Variants in SLCO1B1 observed in about 807,000 individuals in gnomAD.
SLCO1B1 encodes OATP-2.
In SLCO1B1, 81 loss-of-function variants were observed where a neutral mutation model predicts 70.1. The ratio of observed to expected loss-of-function variants is 1.16; its 90% CI spans 0.97 to 1.39. The LOEUF is 1.39. Ranked by LOEUF, SLCO1B1 falls within the 40% of genes most tolerant of loss-of-function variation. The pLI is 0.00. For synonymous variants in SLCO1B1, 283 were observed against 271.5 expected, an observed-to-expected ratio of 1.04 and a Z score of -0.42; for missense variants, 895 against 799.6, an observed-to-expected ratio of 1.12 and a Z score of -1.44.
rs145137264 is a variant in SLCO1B1 at position 21,148,744 on chromosome 12, T to G, written c.84+7086T>G. Reference sequence around the variant, plus strand: ...TCCATATGAAATTTAAAGTAGTTTTTTCCAATTCTGTGATGAAAGTCAATG... The same window carrying G: ...TCCATATGAAATTTAAAGTAGTTTTGTCCAATTCTGTGATGAAAGTCAATG... On this transcript the variant is annotated intron_variant, in intron 2 of 14. Transcript: ENST00000256958. Among the ~76,000 whole-genome samples the G allele has an allele frequency of 4.6e-3, 698 of 151,122 alleles. 3 individuals are homozygous for G. The highest frequency in any genetic ancestry group is 0.016 in the African/African-American group (658 of 41,112).
intron 2 of SLCO1B1, among the ~76,000 whole-genome samples, chr12:21,153,756 A>G (rs1227239565): frequency 1.3e-5 from 2 of 152,052 alleles, no homozygotes; most frequent in Admixed American, 6.6e-5. Flanking sequence ...TAAGTGCATT[A>G]TTATATAACC....
At chr12:21,217,087 T>C (rs1415499898) in intron 11 of SLCO1B1, 32 bp from the exon 12 acceptor site, 16 of 1,590,494 alleles carry the variant, frequency 1.0e-5, no homozygotes, top group Non-Finnish European at 1.4e-5. Context: ...CTTGCAAATT[T>C]CTTATGTCAT....
chr12:21,237,341 T>C (rs762966225), intron 14 of SLCO1B1, among the ~76,000 whole-genome samples: 7 of 152,176 alleles, frequency 4.6e-5, no homozygotes, highest in Non-Finnish European at 7.4e-5. Flanking sequence ...TCTACTTTAC[T>C]TTTAAAAGAA....
intron 11 of SLCO1B1, among the ~76,000 whole-genome samples, chr12:21,212,956 G>A (rs1591822926): frequency 6.6e-6 from 1 of 151,774 alleles, no homozygotes; most frequent in Non-Finnish European, 1.5e-5. Context: ...GCCTATGTGT[G>A]TCTCTGCACG....
In SLCO1B1 at chr12:21,188,536, G is replaced by C. The variant is rs1164158330; in HGVS notation, c.728-8410G>C. On this transcript the variant is annotated intron_variant, in intron 7 of 14. Transcript: ENST00000256958. ...TCTGTGTTCCCGCCAAAGTCATGTA[G>C]AATTGTAATCCCCAATGACGGAGGT... Among the ~76,000 whole-genome samples the C allele has an allele frequency of 5.9e-5, 9 of 152,144 alleles. No homozygotes were observed. The East Asian group carries it at 1.7e-3, about 29-fold the overall frequency.
chr12:21,222,240 G>A, intron 12 of SLCO1B1, 60 bp from the exon 13 acceptor site: 1 of 826,450 alleles, frequency 1.2e-6, no homozygotes, highest in Non-Finnish European at 1.9e-6. Context: ...AAGGTTTAAT[G>A]TTGTTTCGTT....
At position 21,209,245 on chromosome 12, in the gene SLCO1B1, T is replaced by C. The variant is rs570847071; in HGVS notation, c.1497+3212T>C. ...CACAACAGTCCCCAGAGTGTGATAT[T>C]CCCCTTCCTGTGTCCATGTGATCTC... is the stretch of plus-strand genomic sequence containing the variant. On this transcript the variant is annotated intron_variant, in intron 11 of 14. Transcript: ENST00000256958. 1.1e-4 allele frequency among the ~76,000 whole-genome samples: 16 copies of C among 151,852 alleles called. No homozygotes were observed. The East Asian group carries it at 2.3e-3, about 22-fold the overall frequency.
At chr12:21,166,359 A>C (rs955445743) in intron 2 of SLCO1B1, among the ~76,000 whole-genome samples, 6 of 152,202 alleles carry the variant, frequency 3.9e-5, no homozygotes, top group African/African-American at 1.4e-4. Context: ...CTGATTTCTC[A>C]TCAGAGACCA....
At chr12:21,235,062 A>G (rs958161247) in intron 14 of SLCO1B1, among the ~76,000 whole-genome samples, 1 of 151,242 alleles carries the variant, frequency 6.6e-6, no homozygotes, top group African/African-American at 2.4e-5. Flanking sequence ...CACTTGGTAA[A>G]GAGTCTACTT....
intron 2 of SLCO1B1, among the ~76,000 whole-genome samples, chr12:21,142,197 A>G (rs1940320291): frequency 6.6e-6 from 1 of 151,948 alleles, no homozygotes; most frequent in Non-Finnish European, 1.5e-5. Context: ...AAGCCATTTA[A>G]TGTTTTCATT....
chr12:21,182,889 T>C (rs1169729195), intron 7 of SLCO1B1, among the ~76,000 whole-genome samples: 12 of 152,314 alleles, frequency 7.9e-5, no homozygotes, highest in African/African-American at 2.4e-4. Flanking sequence ...CCTCATTTCA[T>C]AGGCCCAGTC....
intron 2 of SLCO1B1, among the ~76,000 whole-genome samples, chr12:21,165,144 A>G (rs1401468239): frequency 1.3e-5 from 2 of 152,132 alleles, no homozygotes; most frequent in Non-Finnish European, 2.9e-5. Flanking sequence ...TAAGTTTAGA[A>G]CTATTGCCAT....
chr12:21,151,808 T>C (rs764014672), intron 2 of SLCO1B1, among the ~76,000 whole-genome samples: 1 of 152,130 alleles, frequency 6.6e-6, no homozygotes, highest in Non-Finnish European at 1.5e-5. Flanking sequence ...TGTATTCTTT[T>C]GGGATTTTTT....
rs7296230 is a variant in SLCO1B1 at position 21,137,179 on chromosome 12, C to T, written c.-61-4335C>T. 6.2e-3 allele frequency among the ~76,000 whole-genome samples: 945 copies of T among 152,226 alleles called. 9 individuals carry two copies. The highest frequency in any genetic ancestry group is 0.022 in the African/African-American group (915 of 41,522). On this transcript the variant is annotated intron_variant, in intron 1 of 14. Coordinates refer to ENST00000256958, the MANE Select transcript of SLCO1B1 (RefSeq NM_006446.5). ...TGAACCACAAATGCTGCTGCCTGAT[C>T]GTTCCTCTGGAAGTTTTGTCTCAGA...
At position 21,164,744 on chromosome 12, in the gene SLCO1B1, A is replaced by G. The variant is rs140960326; in HGVS notation, c.85-7906A>G. On this transcript the variant is annotated intron_variant, in intron 2 of 14. Transcript: ENST00000256958. ...TTGTTTTAAGTATTTTGTGTCTTCAATATCTAAGCTTCTATAATCAACTGA... is the reference window on the plus strand; with the variant it reads ...TTGTTTTAAGTATTTTGTGTCTTCAGTATCTAAGCTTCTATAATCAACTGA... 374 of 452,256 alleles carry G rather than the reference A, an allele frequency of 8.3e-4. 1 individual carries two copies. Among genetic ancestry groups the G allele is most frequent in the Non-Finnish European group, 1.0e-3 (227 of 226,274 alleles). 28.0% of individuals were successfully genotyped at this position (452,256 alleles called of 1,614,324 possible). A position where few individuals can be genotyped will look rare whatever the true frequency, so the allele number is the denominator to read the frequency against.
rs1414306786 is a variant in SLCO1B1 at position 21,163,086 on chromosome 12, G to A, written c.85-9564G>A. Among the ~76,000 whole-genome samples the A allele has an allele frequency of 2.6e-5, 4 of 152,202 alleles. 1 individual carries two copies. In the East Asian group the frequency reaches 5.8e-4, roughly 22 times the overall value. The stretch of plus-strand genomic sequence containing the variant: ...TGGCAACAATATACATCATAGAAAG[G>A]CATAGATTACAAAGAGAGTATATAC... On this transcript the variant is annotated intron_variant, in intron 2 of 14. Coordinates refer to ENST00000256958, the MANE Select transcript of SLCO1B1 (RefSeq NM_006446.5).
In SLCO1B1 at chr12:21,222,209, T is replaced by G. The variant is rs1941429806; in HGVS notation, c.1683-91T>G. 6.0e-6 allele frequency: 3 copies of G among 502,524 alleles called. No individual in the cohort carries two copies. The Admixed American group carries it at 8.0e-5, about 13-fold the overall frequency. 31.1% of individuals were successfully genotyped at this position (502,524 alleles called of 1,614,324 possible). A position where few individuals can be genotyped will look rare whatever the true frequency, so the allele number is the denominator to read the frequency against. On this transcript the variant is annotated intron_variant, in intron 12 of 14. Transcript: ENST00000256958. The stretch of plus-strand genomic sequence containing the variant: ...TTCAACTGTGAGCTTAATTCTATCA[T>G]GGAGAAAAACAACACAGGAGAAGGT...
intron 2 of SLCO1B1, among the ~76,000 whole-genome samples, chr12:21,164,569 AT>A (rs1430083026): frequency 6.6e-6 from 1 of 152,062 alleles, no homozygotes; most frequent in Non-Finnish European, 1.5e-5. Flanking sequence ...CTAAAATTTA[AT>A]TTTGTTATGT....
chr12:21,137,546 C>G (rs1000606413), intron 1 of SLCO1B1, among the ~76,000 whole-genome samples: 1 of 152,160 alleles, frequency 6.6e-6, no homozygotes, highest in South Asian at 2.1e-4. Context: ...GGTGGCCGCC[C>G]CTCCCCCAGC....
Sources: allele counts gnomAD v4.1 joint callset (sites outside exome capture counted in the v4.1 genomes callset), GRCh38; gene constraint gnomAD v4.1.1; transcripts MANE v1.5; gene names NCBI Gene and HGNC (gene_info 2026-07-23, HGNC 2026-07-21).